The following AHRR variants were observed in gnomAD, a reference collection of about 807,000 sequenced individuals.
The protein encoded by AHRR is aryl hydrocarbon receptor repressor, also known as ahR repressor.
In AHRR, 28 loss-of-function variants were observed where a neutral mutation model predicts 44.0. The observed-to-expected ratio is 0.64, with a 90% CI of 0.47 to 0.87. The LOEUF is 0.87. AHRR is among the 40% of genes least tolerant of loss of function. The pLI is 0.00. For synonymous variants in AHRR, 434 were observed against 407.0 expected, an observed-to-expected ratio of 1.07 and a Z score of -0.80; for missense variants, 990 against 953.9, an observed-to-expected ratio of 1.04 and a Z score of -0.50.
intron 3 of AHRR, among the ~76,000 whole-genome samples, chr5:367,553 C>T (rs1041444888): frequency 6.6e-6 from 1 of 152,164 alleles, no homozygotes; most frequent in Non-Finnish European, 1.5e-5. Flanking sequence ...AATATGGCAG[C>T]GCCAGGCAGT....
In AHRR at chr5:337,208, C is replaced by T. The variant is rs967566962; in HGVS notation, c.-10-6685C>T. Among the ~76,000 whole-genome samples the T allele has an allele frequency of 6.6e-6, 1 of 152,018 alleles. No homozygotes were observed. Among genetic ancestry groups the T allele is most frequent in the Admixed American group, 6.6e-5 (1 of 15,266 alleles). ...AATCAACTATCAATATTGGCTGATC[C>T]AGTTTCATTTAAAGTCCAGCCTGCC... On this transcript the variant is annotated intron_variant, in intron 1 of 10. Transcript: ENST00000684583. The surrounding 1 kb of genome is among the most constrained non-coding windows in gnomAD (Gnocchi z 4.1).
intron 5 of AHRR, among the ~76,000 whole-genome samples, chr5:418,414 C>T (rs142644074): frequency 8.1e-4 from 124 of 152,360 alleles, no homozygotes; most frequent in Admixed American, 7.1e-3. Context: ...ACAGGACTTA[C>T]ATCTCACCCT....
rs762593526 is a variant in AHRR, at chr5:353,761, C to G, written c.94C>G (p.Pro32Ala). The change falls in exon 3 of 11, where the codon CCC (proline) becomes GCC (alanine). Residue 32 changes from proline (P) to alanine (A), a missense_variant. Coordinates refer to ENST00000684583, the MANE Select transcript of AHRR (RefSeq NM_001377236.1). ...CGCCGTGGGGGCAGAGAAGTCCAAC[C>G]CCTCCAAGCGACACCGGGACCGCCT... ...RPAVGAEKSN[P>A]SKRHRDRLNA... 33 of 1,612,610 alleles carry G rather than the reference C, an allele frequency of 2.0e-5. No individual in the cohort carries two copies. In the Admixed American group the frequency reaches 5.5e-4, roughly 27 times the overall value.
rs111066549 is a variant in AHRR at position 344,741 on chromosome 5, G to T, written c.62+777G>T. Among the ~76,000 whole-genome samples the T allele has an allele frequency of 2.2e-3, 96 of 43,964 alleles. 16 individuals are homozygous for T. Among genetic ancestry groups the T allele is most frequent in the African/African-American group, 5.0e-3 (38 of 7,548 alleles). 28.8% of individuals were successfully genotyped at this position (43,964 alleles called of 152,430 possible). A position where few individuals can be genotyped will look rare whatever the true frequency, so the allele number is the denominator to read the frequency against. Reference sequence around the variant, plus strand: ...TGTGTGTGTGAGGCTGTGTGTGTGCGGGGGGAGCTGTGTGTGTGTGGGTGT... The same window carrying T: ...TGTGTGTGTGAGGCTGTGTGTGTGCTGGGGGAGCTGTGTGTGTGTGGGTGT... On this transcript the variant is annotated intron_variant, in intron 2 of 10. Coordinates refer to ENST00000684583, the MANE Select transcript of AHRR (RefSeq NM_001377236.1).
intron 4 of AHRR, among the ~76,000 whole-genome samples, chr5:385,135 C>T (rs1218310664): frequency 1.3e-5 from 2 of 151,950 alleles, no homozygotes; most frequent in African/African-American, 4.8e-5. Flanking sequence ...TTTAGCACTT[C>T]TTATGGTGCA....
At chr5:415,365 C>G (rs2672727) in intron 5 of AHRR, among the ~76,000 whole-genome samples, 8,679 of 49,974 alleles carry the variant, frequency 0.17, 149 homozygotes, top group Non-Finnish European at 0.21. Context: ...GGCCGAGTCT[C>G]CCTGGTCGGG....
intron 1 of AHRR, among the ~76,000 whole-genome samples, chr5:332,773 C>T (rs1741972575): frequency 6.6e-6 from 1 of 151,940 alleles, no homozygotes; most frequent in Admixed American, 6.6e-5. Flanking sequence ...TGTTGAAGTC[C>T]CCACTATTAC....
intron 4 of AHRR, among the ~76,000 whole-genome samples, chr5:385,015 A>G (rs1175372253): frequency 6.6e-6 from 1 of 152,086 alleles, no homozygotes; most frequent in African/African-American, 2.4e-5. Flanking sequence ...GTGGTGGCAC[A>G]TGCCTGTAAT....
chr5:322,998 T>C (rs1374531856), intron 1 of AHRR, among the ~76,000 whole-genome samples: 1 of 152,234 alleles, frequency 6.6e-6, no homozygotes, highest in Non-Finnish European at 1.5e-5. Flanking sequence ...TGCTGTCAGC[T>C]CACAGCCTGG....
intron 3 of AHRR, chr5:367,663 C>G (rs971662674): frequency 1.7e-6 from 1 of 596,980 alleles, no homozygotes; most frequent in East Asian, 2.8e-5. Flanking sequence ...CTTCACCCCT[C>G]AGGAGGCCTT....
At chr5:414,133 T>G (rs1037714854) in intron 5 of AHRR, among the ~76,000 whole-genome samples, 9 of 151,866 alleles carry the variant, frequency 5.9e-5, no homozygotes, top group African/African-American at 1.9e-4. Context: ...TGTGGTGGCG[T>G]GCACCCGTAG....
chr5:399,978 A>G (rs1388688732), intron 4 of AHRR, among the ~76,000 whole-genome samples: 2 of 152,242 alleles, frequency 1.3e-5, no homozygotes, highest in Non-Finnish European at 2.9e-5. Context: ...CACGCACGCA[A>G]GCCCCATGGA....
chr5:328,543 A>G (rs747952111), intron 1 of AHRR, among the ~76,000 whole-genome samples: 11 of 152,050 alleles, frequency 7.2e-5, no homozygotes, highest in Non-Finnish European at 1.6e-4. Context: ...GAGCCACTGC[A>G]CCTGGCCGTC....
chr5:422,510 C>A (rs979832207), intron 5 of AHRR: 4 of 580,470 alleles, frequency 6.9e-6, no homozygotes, highest in Non-Finnish European at 3.0e-6. Flanking sequence ...CACCACTTGG[C>A]GGGCAGACGG....
At position 344,274 on chromosome 5, in the gene AHRR, G is replaced by GC. The variant is rs1377552771; in HGVS notation, c.62+311dup. Among the ~76,000 whole-genome samples, 9 of 151,214 alleles carry GC rather than the reference G, an allele frequency of 6.0e-5. No individual in the cohort carries two copies. In the South Asian group the frequency reaches 1.9e-3, roughly 32 times the overall value. On this transcript the variant is annotated intron_variant, in intron 2 of 10. Coordinates refer to ENST00000684583, the MANE Select transcript of AHRR (RefSeq NM_001377236.1). ...GCTCCGGGCGGCAGAGGCGGAGGCG[G>GC]CGGGGCCACGGCAGCTTCCCAGGCT... is the stretch of plus-strand genomic sequence containing the variant.
At chr5:364,907 C>T (rs1016495094) in intron 3 of AHRR, among the ~76,000 whole-genome samples, 5 of 152,028 alleles carry the variant, frequency 3.3e-5, no homozygotes, top group Non-Finnish European at 7.4e-5. Flanking sequence ...GAGAGAATCA[C>T]TATGTAATGA....
rs1733710716 is a variant in AHRR at position 376,635 on chromosome 5, G to A, written c.270G>A (p.Gln90=). The part of the protein sequence containing the change: ...FQVVQEQSSR[Q]PAAGAPSPGD... Reference sequence around the variant, plus strand: ...TCGTGCAGGAGCAGAGCTCACGGCAGCCTGCGGCCGGCGCCCCCTCGCCCG... The same window carrying A: ...TCGTGCAGGAGCAGAGCTCACGGCAACCTGCGGCCGGCGCCCCCTCGCCCG... Residue 90 remains glutamine (Q), a synonymous_variant, in exon 4 of 11, where the codon CAG becomes CAA. Transcript: ENST00000684583. 1.5e-6 allele frequency: 2 copies of A among 1,322,948 alleles called. No individual in the cohort carries two copies. The highest frequency in any genetic ancestry group is 2.0e-6 in the Non-Finnish European group (2 of 1,018,240). 82.0% of individuals were successfully genotyped at this position (1,322,948 alleles called of 1,614,324 possible).
At chr5:350,723 G>T (rs1245561409) in intron 2 of AHRR, among the ~76,000 whole-genome samples, 1 of 149,962 alleles carries the variant, frequency 6.7e-6, no homozygotes, top group Non-Finnish European at 1.5e-5. Context: ...CAATTCTCCC[G>T]CCTATTTACA....
At chr5:362,295 C>A (rs1230873406) in intron 3 of AHRR, among the ~76,000 whole-genome samples, 2 of 152,216 alleles carry the variant, frequency 1.3e-5, no homozygotes, top group Non-Finnish European at 2.9e-5. Flanking sequence ...CTTCCAGCTT[C>A]CAGAACTGCA....
Sources: allele counts gnomAD v4.1 joint callset (sites outside exome capture counted in the v4.1 genomes callset), GRCh38; gene constraint gnomAD v4.1.1; non-coding constraint Gnocchi (gnomAD v3.1); transcripts MANE v1.5; gene names NCBI Gene and HGNC (gene_info 2026-07-23, HGNC 2026-07-21).